The following SLC37A1 variants were observed in gnomAD, a reference collection of about 807,000 sequenced individuals.
The protein encoded by SLC37A1 is glucose-6-phosphate exchanger SLC37A1.
In SLC37A1, 49 loss-of-function variants were observed where a neutral mutation model predicts 75.3. The observed-to-expected ratio is 0.65, with a 90% CI of 0.52 to 0.83. The LOEUF (loss-of-function observed/expected upper bound fraction) is 0.83. Ranked by LOEUF, SLC37A1 falls within the 40% of genes least tolerant of loss-of-function variation. The pLI, the probability that SLC37A1 is intolerant of heterozygous loss-of-function variation, is 0.00. For synonymous variants in SLC37A1, 268 were observed against 292.1 expected (o/e 0.92, Z 0.84); for missense variants, 566 against 695.0 (o/e 0.81, Z 2.09).
intron 10 of SLC37A1, among the ~76,000 whole-genome samples, chr21:42,555,216 GACCTC>G (rs1555885671): frequency 6.6e-6 from 1 of 151,938 alleles, no homozygotes; most frequent in Non-Finnish European, 1.5e-5. Context: ...TTGAACTCCT[GACCTC>G]AGGTGACCCA....
intron 2 of SLC37A1, among the ~76,000 whole-genome samples, chr21:42,525,467 C>G (rs1164792292): frequency 1.3e-5 from 2 of 152,174 alleles, no homozygotes; most frequent in Non-Finnish European, 2.9e-5. Flanking sequence ...TGGAGAATTG[C>G]TTGGTATATG....
intron 17 of SLC37A1, among the ~76,000 whole-genome samples, chr21:42,572,677 C>CACACA (rs1378861804): frequency 1.2e-5 from 1 of 80,504 alleles, no homozygotes; most frequent in African/African-American, 4.0e-5. Flanking sequence ...CACACACACA[C>CACACA]AAAAAAAAAA....
In SLC37A1 at chr21:42,562,127, ATACTTTCCTCTTC is replaced by A; in HGVS notation, c.1033_1045del (p.Thr345GlyfsTer37). 1 of 1,614,208 alleles carries A rather than the reference ATACTTTCCTCTTC, an allele frequency of 6.2e-7. No homozygotes were observed. The highest frequency in any genetic ancestry group is 1.1e-5 in the South Asian group (1 of 91,074). On this transcript the variant is annotated frameshift_variant, in exon 12 of 20. Coordinates refer to ENST00000352133, the MANE Select transcript of SLC37A1 (RefSeq NM_001320537.2). LOFTEE classifies it high-confidence loss of function. ...CTGCTGTTTGCCAAGCTGGTCAGCTATACTTTCCTCTTCTGGCTGCCCCTGTACATCACGAATG... is the reference window on the plus strand; with the variant it reads ...CTGCTGTTTGCCAAGCTGGTCAGCTATGGCTGCCCCTGTACATCACGAATG...
chr21:42,553,039 C>T (rs991670177), intron 9 of SLC37A1, among the ~76,000 whole-genome samples: 6 of 152,224 alleles, frequency 3.9e-5, no homozygotes, highest in African/African-American at 1.2e-4. Context: ...CCTTCAGAAA[C>T]CTTTTCAGGG....
chr21:42,546,516 C>G (rs140259619), intron 8 of SLC37A1, among the ~76,000 whole-genome samples: 1 of 152,340 alleles, frequency 6.6e-6, no homozygotes. Flanking sequence ...CTTGTCCACA[C>G]AGCGTCCGCA....
At chr21:42,515,279 T>TA (rs899427686) in intron 1 of SLC37A1, among the ~76,000 whole-genome samples, 1 of 151,654 alleles carries the variant, frequency 6.6e-6, no homozygotes, top group African/African-American at 2.4e-5. Context: ...TCTCGTAATT[T>TA]AAAAAAAAGA....
At chr21:42,572,677 C>CACACAAAAA (rs1378861804) in intron 17 of SLC37A1, among the ~76,000 whole-genome samples, 1 of 80,504 alleles carries the variant, frequency 1.2e-5, no homozygotes, top group African/African-American at 4.0e-5. Context: ...CACACACACA[C>CACACAAAAA]AAAAAAAAAA....
Position 42,538,964 on chromosome 21 carries a change from A to G in SLC37A1, c.351-548A>G, listed in dbSNP as rs17115053. On this transcript the variant is annotated intron_variant, in intron 5 of 19. Transcript: ENST00000352133. The stretch of plus-strand genomic sequence containing the variant: ...CATAGAGCAAATCTTCTGCCTTTAA[A>G]TCAGGTCAAAGTGGTGTGGCAGGAG... Among the ~76,000 whole-genome samples the G allele has an allele frequency of 7.7e-3, 1,167 of 152,346 alleles. 12 individuals carry two copies. Among genetic ancestry groups the G allele is most frequent in the African/African-American group, 0.027 (1,118 of 41,564 alleles).
chr21:42,518,400 C>A lies in SLC37A1; in HGVS notation c.-55C>A. Reference sequence around the variant, plus strand: ...GGATCTGGAGCCAGGATTAATGACTCATTTATGAAGCATCTTATTCTGCGA... The same window carrying A: ...GGATCTGGAGCCAGGATTAATGACTAATTTATGAAGCATCTTATTCTGCGA... On this transcript the variant is annotated 5_prime_UTR_variant, in exon 2 of 20. The change creates a premature stop within an existing upstream ORF in the 5' untranslated region. Transcript: ENST00000352133. 3 of 1,608,064 alleles carry A rather than the reference C, an allele frequency of 1.9e-6. No homozygotes were observed. Among genetic ancestry groups the A allele is most frequent in the South Asian group, 2.2e-5 (2 of 90,940 alleles).
At chr21:42,554,742 TAA>T (rs1384227644) in intron 10 of SLC37A1, among the ~76,000 whole-genome samples, 2 of 152,204 alleles carry the variant, frequency 1.3e-5, no homozygotes, top group Non-Finnish European at 2.9e-5. Context: ...AATGCTAAGT[TAA>T]TCTGCCTTGT....
intron 18 of SLC37A1, among the ~76,000 whole-genome samples, chr21:42,579,155 C>T (rs559954633): frequency 1.3e-5 from 2 of 152,206 alleles, no homozygotes; most frequent in Admixed American, 6.5e-5. Context: ...CTGGGTCCGG[C>T]GAGGAGCCAA....
intron 16 of SLC37A1, 28 bp from the exon 17 acceptor site, chr21:42,568,332 C>G (rs779195109): frequency 1.3e-5 from 20 of 1,592,518 alleles, no homozygotes; most frequent in Middle Eastern, 1.7e-4. Flanking sequence ...GTGGCGATAA[C>G]TGCACGTCTG....
rs111313584 is a variant in SLC37A1, at chr21:42,534,780, C to T, written c.221C>T (p.Ala74Val). Reference sequence around the variant, plus strand: ...CAGAACAGGAAGTCTGGGTCCGCTGCCCCCCACCAGCTCCCTGACAATGAG... The same window carrying T: ...CAGAACAGGAAGTCTGGGTCCGCTGTCCCCCACCAGCTCCCTGACAATGAG... ...SSQNRKSGSA[A>V]PHQLPDNETD... The change falls in exon 4 of 20, where the codon GCC (alanine) becomes GTC (valine). Residue 74 changes from alanine (A) to valine (V), a missense_variant. Physicochemically the swap from Ala to Val is moderately conservative, Grantham distance 64. Transcript: ENST00000352133. The T allele has an allele frequency of 5.0e-6, 8 of 1,613,708 alleles. No individual in the cohort carries two copies. The African/African-American group carries it at 5.3e-5, about 11-fold the overall frequency.
chr21:42,572,873 G>C (rs1268803609), intron 17 of SLC37A1, among the ~76,000 whole-genome samples: 1 of 152,032 alleles, frequency 6.6e-6, no homozygotes, highest in Non-Finnish European at 1.5e-5. Flanking sequence ...GCAGACCTAG[G>C]TTGCCCCTTC....
At chr21:42,534,216 G>A (rs2055072986) in intron 3 of SLC37A1, among the ~76,000 whole-genome samples, 1 of 152,106 alleles carries the variant, frequency 6.6e-6, no homozygotes, top group Non-Finnish European at 1.5e-5. Context: ...ACTCTTTCAT[G>A]TCTGCCTCCT....
intron 2 of SLC37A1, chr21:42,508,602 T>TG: frequency 6.6e-6 from 1 of 152,344 alleles, no homozygotes; most frequent in South Asian, 2.1e-4. Flanking sequence ...TTACAACAGA[T>TG]GGGCTCAGGC....
intron 1 of SLC37A1, among the ~76,000 whole-genome samples, chr21:42,501,137 A>G (rs922513255): frequency 2.6e-5 from 4 of 152,258 alleles, no homozygotes; most frequent in Non-Finnish European, 4.4e-5. Flanking sequence ...TAAGTGCTCA[A>G]CCAACACAGG....
chr21:42,549,111 C>T (rs2055494056), intron 9 of SLC37A1, among the ~76,000 whole-genome samples: 1 of 152,196 alleles, frequency 6.6e-6, no homozygotes, highest in Admixed American at 6.5e-5. Context: ...CAAGCTTGTA[C>T]AGTCGTGCCG....
chr21:42,579,947 T>G (rs1014068865), intron 19 of SLC37A1, 147 bp downstream of exon 19: 22 of 719,804 alleles, frequency 3.1e-5, no homozygotes, highest in Non-Finnish European at 5.0e-5. Context: ...CTCTCACTTT[T>G]TCTTTTCTAA....
Sources: allele counts gnomAD v4.1 joint callset (sites outside exome capture counted in the v4.1 genomes callset), GRCh38; gene constraint gnomAD v4.1.1; transcripts MANE v1.5; gene names NCBI Gene and HGNC (gene_info 2026-07-23, HGNC 2026-07-21).